The following DHX9 variants were observed in gnomAD, a reference collection of about 807,000 sequenced individuals.
DHX9 encodes the protein DExH-box helicase 9.
A neutral mutation model predicts 148.7 loss-of-function variants in DHX9; 27 were observed. The observed-to-expected ratio is 0.18, with a 90% CI of 0.13 to 0.25. The LOEUF (loss-of-function observed/expected upper bound fraction) is 0.25, where lower values mean the gene tolerates loss of function less well. DHX9 is among the 10% of genes least tolerant of loss of function. DHX9 has a pLI of 1.00. For missense variants in DHX9, 796 were observed against 1,559.6 expected, an observed-to-expected ratio of 0.51 and a Z score of 8.25; for synonymous variants, 529 against 516.6, an observed-to-expected ratio of 1.02 and a Z score of -0.33.
At chr1:182,858,322 A>G in intron 8 of DHX9, 82 bp downstream of exon 8, 1 of 1,481,300 alleles carries the variant, frequency 6.8e-7, no homozygotes, top group Non-Finnish European at 9.2e-7. Flanking sequence ...GAAGAAGTTT[A>G]ATTTTAAGAA....
At position 182,884,775 on chromosome 1, in the gene DHX9, C is replaced by T; in HGVS notation, c.3423C>T (p.Pro1141=). 6.2e-7 allele frequency: 1 copy of T among 1,614,132 alleles called. No individual in the cohort carries two copies. Among genetic ancestry groups the T allele is most frequent in the Non-Finnish European group, 8.5e-7 (1 of 1,180,040 alleles). The change falls in exon 27 of 28, where the codon CCC becomes CCT. Residue 1141 remains proline (P), a synonymous_variant. Coordinates refer to ENST00000367549, the MANE Select transcript of DHX9 (RefSeq NM_001357.5). ...MLNMIRQISR[P]SAAGINLMIG... is the part of the protein sequence containing the mutation. ...ACATGATCCGTCAGATCTCTAGACC[C>T]TCAGCTGCTGGTATCAACCTTATGA... is the stretch of plus-strand genomic sequence containing the variant.
intron 14 of DHX9, among the ~76,000 whole-genome samples, chr1:182,869,074 G>A (rs2102609659): frequency 6.6e-6 from 1 of 152,290 alleles, no homozygotes; most frequent in East Asian, 1.9e-4. Flanking sequence ...TAATGTCATG[G>A]ATTATCGCTG....
intron 1 of DHX9, among the ~76,000 whole-genome samples, chr1:182,841,134 AC>A (rs1430264125): frequency 6.6e-6 from 1 of 152,088 alleles, no homozygotes; most frequent in African/African-American, 2.4e-5. Flanking sequence ...TACTAAAAAT[AC>A]AAAAAATTAG....
chr1:182,858,159 C>G lies in DHX9; in HGVS notation c.729C>G (p.Ala243=), dbSNP rs952864538. 3 of 1,613,842 alleles carry G rather than the reference C, an allele frequency of 1.9e-6. No homozygotes were observed. Among genetic ancestry groups the G allele is most frequent in the Admixed American group, 1.7e-5 (1 of 59,986 alleles). The change falls in exon 8 of 28, where the codon GCC becomes GCG. Residue 243 remains alanine (A), a synonymous_variant. Coordinates refer to ENST00000367549, the MANE Select transcript of DHX9 (RefSeq NM_001357.5). The part of the protein sequence containing the change: ...SNKKLAAQSC[A]LSLVRQLYHL... The stretch of plus-strand genomic sequence containing the variant: ...AGAAATTGGCAGCACAGTCCTGTGC[C>G]CTGTCACTTGTCAGACAACTGTACC...
At chr1:182,846,432 C>G (rs1196550395) in intron 3 of DHX9, among the ~76,000 whole-genome samples, 1 of 152,118 alleles carries the variant, frequency 6.6e-6, no homozygotes, top group African/African-American at 2.4e-5. Context: ...CGGGGTTTCT[C>G]CATGTTGGTC....
chr1:182,883,939 A>G (rs528878479), intron 26 of DHX9, among the ~76,000 whole-genome samples: 1 of 152,312 alleles, frequency 6.6e-6, no homozygotes, highest in African/African-American at 2.4e-5. Flanking sequence ...AGCTTAATGG[A>G]CAGCCAGTAG....
At chr1:182,841,334 T>A (rs1170322959) in intron 1 of DHX9, among the ~76,000 whole-genome samples, 1 of 152,154 alleles carries the variant, frequency 6.6e-6, no homozygotes, top group African/African-American at 2.4e-5. Context: ...ATATATGTAT[T>A]TGGGCATCGA....
At chr1:182,856,644 T>C in intron 7 of DHX9, 66 bp downstream of exon 7, 2 of 1,432,252 alleles carry the variant, frequency 1.4e-6, no homozygotes, top group East Asian at 4.6e-5. Flanking sequence ...ACATTTTAAG[T>C]CTTGAGTCAC....
At position 182,887,977 on chromosome 1, in the gene DHX9, G is replaced by T. The variant is rs1370574755; in HGVS notation, c.*543G>T. On this transcript the variant is annotated 3_prime_UTR_variant, in exon 28 of 28. Coordinates refer to ENST00000367549, the MANE Select transcript of DHX9 (RefSeq NM_001357.5). ...ACCTGAATAAAACTTTTGACCTAGG[G>T]TTGAACATTTGGCTTCCTCCCATAT... 6.6e-6 allele frequency among the ~76,000 whole-genome samples: 1 copy of T among 152,178 alleles called. No homozygotes were observed. Among genetic ancestry groups the T allele is most frequent in the Non-Finnish European group, 1.5e-5 (1 of 68,032 alleles).
At chr1:182,851,507 G>A (rs552800072) in intron 3 of DHX9, among the ~76,000 whole-genome samples, 1 of 152,140 alleles carries the variant, frequency 6.6e-6, no homozygotes, top group Non-Finnish European at 1.5e-5. Flanking sequence ...AATTAATAGC[G>A]ATAAAATCAG....
At chr1:182,872,534 T>C in intron 15 of DHX9, 41 bp downstream of exon 15, 2 of 1,578,460 alleles carry the variant, frequency 1.3e-6, no homozygotes, top group African/African-American at 1.4e-5. Context: ...TTTTGTGCAA[T>C]AGGGTTTGTA....
intron 7 of DHX9, among the ~76,000 whole-genome samples, chr1:182,857,571 C>G (rs1001899179): frequency 1.3e-5 from 2 of 152,156 alleles, no homozygotes; most frequent in Admixed American, 6.5e-5. Flanking sequence ...AAAGCCATTC[C>G]CAGTCCTATG....
chr1:182,847,322 ACT>A (rs1339123302), intron 3 of DHX9, among the ~76,000 whole-genome samples: 1 of 151,542 alleles, frequency 6.6e-6, no homozygotes, highest in Non-Finnish European at 1.5e-5. Flanking sequence ...TGCTGTGGAG[ACT>A]CTGAATAATG....
chr1:182,887,539 C>G lies in DHX9; in HGVS notation c.*105C>G, dbSNP rs1649392384. On this transcript the variant is annotated 3_prime_UTR_variant, in exon 28 of 28. Transcript: ENST00000367549. ...TTTATTTGCCACCAAAAAGTAAATG[C>G]ATTTTCACCCATTCTGTGGTTCATT... The G allele has an allele frequency of 1.0e-6, 1 of 971,124 alleles. No individual in the cohort carries two copies. 60.2% of individuals were successfully genotyped at this position (971,124 alleles called of 1,614,324 possible).
At chr1:182,867,368 T>G (rs1418598956) in intron 14 of DHX9, among the ~76,000 whole-genome samples, 1 of 152,174 alleles carries the variant, frequency 6.6e-6, no homozygotes, top group Non-Finnish European at 1.5e-5. Flanking sequence ...TCGTTTTTCT[T>G]TGATTTGGAA....
intron 12 of DHX9, among the ~76,000 whole-genome samples, chr1:182,863,788 A>G (rs1184777222): frequency 7.3e-6 from 1 of 137,480 alleles, no homozygotes; most frequent in Non-Finnish European, 1.5e-5. Flanking sequence ...ATTAAGAATT[A>G]GAAGATTTTT....
intron 10 of DHX9, 36 bp from the exon 11 acceptor site, chr1:182,859,004 G>A: frequency 6.2e-7 from 1 of 1,612,204 alleles, no homozygotes; most frequent in Middle Eastern, 1.7e-4. Context: ...TGAATTATGT[G>A]CTTTTGTTTG....
At chr1:182,853,185 G>A in intron 4 of DHX9, 121 bp from the exon 5 acceptor site, 1 of 683,544 alleles carries the variant, frequency 1.5e-6, no homozygotes, top group East Asian at 2.8e-5. Flanking sequence ...TCAGCGTCCG[G>A]AAGTGCTGGG....
chr1:182,859,173 T>C, intron 11 of DHX9, 56 bp downstream of exon 11: 1 of 1,526,378 alleles, frequency 6.6e-7, no homozygotes, highest in South Asian at 1.1e-5. Flanking sequence ...GTTCTAGGTA[T>C]GGGTAAAAAG....
Sources: allele counts gnomAD v4.1 joint callset (sites outside exome capture counted in the v4.1 genomes callset), GRCh38; gene constraint gnomAD v4.1.1; transcripts MANE v1.5; gene names NCBI Gene and HGNC (gene_info 2026-07-23, HGNC 2026-07-21).